Variants in LTA4H observed in about 807,000 individuals in gnomAD.
LTA4H encodes the protein leukotriene A4 hydrolase, also known as leukotriene A-4 hydrolase.
A neutral mutation model predicts 89.8 loss-of-function variants in LTA4H; 59 were observed. That is an observed-to-expected ratio of 0.66 (90% CI 0.53 to 0.82). LTA4H has a LOEUF of 0.82. Among genes scored for constraint, LTA4H ranks in the 40% least tolerant of loss-of-function variants. The pLI, the probability that LTA4H is intolerant of heterozygous loss-of-function variation, is 0.00. For missense variants in LTA4H, 617 were observed against 727.0 expected, an observed-to-expected ratio of 0.85 and a Z score of 1.74; for synonymous variants, 227 against 253.1, an observed-to-expected ratio of 0.90 and a Z score of 0.98.
chr12:96,036,065 G>C (rs566392426), upstream of LTA4H, among the ~76,000 whole-genome samples: 1 of 152,288 alleles, frequency 6.6e-6, no homozygotes, highest in Admixed American at 6.5e-5. Context: ...TCACGCGGGA[G>C]ACCGGGGTTC....
At chr12:96,023,110 C>T (rs946478815) in intron 4 of LTA4H, among the ~76,000 whole-genome samples, 1 of 152,108 alleles carries the variant, frequency 6.6e-6, no homozygotes, top group Admixed American at 6.5e-5. Context: ...AAAGGACTCC[C>T]CCAAGTATTA....
intron 1 of LTA4H, among the ~76,000 whole-genome samples, chr12:96,034,711 G>A (rs779937186): frequency 7.9e-5 from 12 of 152,246 alleles, no homozygotes; most frequent in Admixed American, 1.3e-4. Context: ...GCCGGGGCTG[G>A]AAATCCTAAG....
chr12:96,017,735 A>C (rs1950398331), intron 8 of LTA4H, among the ~76,000 whole-genome samples, 155 bp from the exon 9 acceptor site: 1 of 152,224 alleles, frequency 6.6e-6, no homozygotes, highest in Non-Finnish European at 1.5e-5. Context: ...TAATTGAAAA[A>C]ACAAAAAAAA....
At chr12:96,017,019 A>T (rs768425127) in intron 10 of LTA4H, 25 bp downstream of exon 10, 4 of 1,536,076 alleles carry the variant, frequency 2.6e-6, no homozygotes, top group Admixed American at 1.7e-5. Flanking sequence ...ATGAACCAAT[A>T]AAGAAATAAT....
Position 96,017,006 on chromosome 12 carries a change from A to C in LTA4H, c.947+38T>G, listed in dbSNP as rs1260678246. 4.3e-6 allele frequency: 6 copies of C among 1,409,286 alleles called. No individual in the cohort carries two copies. The African/African-American group carries it at 7.1e-5, about 17-fold the overall frequency. The allele number at this position is 1,409,286 out of a possible 1,614,324, so 87.3% of individuals were successfully genotyped here. A position where few individuals can be genotyped will look rare whatever the true frequency, so the allele number is the denominator to read the frequency against. ...AGGAGGCAGGGAAAAAAAAATCAGC[A>C]ACATGAACCAATAAAGAAATAATAA... On this transcript the variant is annotated intron_variant, in intron 10 of 18. Transcript: ENST00000228740.
intron 18 of LTA4H, among the ~76,000 whole-genome samples, chr12:96,002,209 A>G (rs1950116429): frequency 6.6e-6 from 1 of 152,230 alleles, no homozygotes; most frequent in Non-Finnish European, 1.5e-5. Context: ...CTCAATTCAA[A>G]GCTAGATGGG....
chr12:96,042,303 C>T (rs1332469848), intron 1 of LTA4H, among the ~76,000 whole-genome samples: 3 of 152,064 alleles, frequency 2.0e-5, no homozygotes, highest in Non-Finnish European at 2.9e-5. Flanking sequence ...CTAACGCAGG[C>T]CTCCATAACA....
intron 1 of LTA4H, among the ~76,000 whole-genome samples, chr12:96,035,125 G>A (rs1028694473): frequency 2.0e-5 from 3 of 152,232 alleles, no homozygotes; most frequent in African/African-American, 7.2e-5. Flanking sequence ...CGTATAAGTG[G>A]GGGCTGAGGG....
chr12:96,017,238 C>T, intron 9 of LTA4H, 124 bp from the exon 10 acceptor site: 1 of 716,326 alleles, frequency 1.4e-6, no homozygotes, highest in Non-Finnish European at 2.4e-6. Flanking sequence ...CAGGGAGTTA[C>T]TCAGTTCAGC....
At chr12:96,039,441 C>T (rs922586807), upstream of LTA4H, among the ~76,000 whole-genome samples, 1 of 152,120 alleles carries the variant, frequency 6.6e-6, no homozygotes, top group Non-Finnish European at 1.5e-5. Flanking sequence ...ACCTGTGGCC[C>T]GTGCAGTTGT....
At chr12:96,014,778 C>T in intron 12 of LTA4H, 77 bp downstream of exon 12, 3 of 1,353,808 alleles carry the variant, frequency 2.2e-6, no homozygotes, top group Middle Eastern at 1.9e-4. Flanking sequence ...TGGAACAAAA[C>T]AATAGTTTAC....
rs1950088890 is a variant in LTA4H, at chr12:96,000,903, GT to G, written c.*85del. On this transcript the variant is annotated 3_prime_UTR_variant, in exon 19 of 19. Coordinates refer to ENST00000228740, the MANE Select transcript of LTA4H (RefSeq NM_000895.3). ...ATAAAAAGCCAAAACTAAAAAGACA[GT>G]TTTAATTGTGAGCTGAAGTTTTATA... 3.0e-6 allele frequency: 3 copies of G among 997,762 alleles called. No individual in the cohort carries two copies. In the East Asian group the frequency reaches 7.2e-5, roughly 24 times the overall value. The allele number at this position is 997,762 out of a possible 1,614,324, so 61.8% of individuals were successfully genotyped here.
At chr12:96,020,805 A>G (rs1950443801) in intron 6 of LTA4H, 1 of 300,502 alleles carries the variant, frequency 3.3e-6, no homozygotes, top group East Asian at 7.8e-5. Flanking sequence ...ATAAGGAAAC[A>G]GAGATTGAGA....
Position 96,003,909 on chromosome 12 carries a change from T to A in LTA4H, c.1542A>T (p.Pro514=), listed in dbSNP as rs1950150641. Residue 514 remains proline, a synonymous_variant, in exon 17 of 19, where the codon CCA becomes CCT. Transcript: ENST00000228740. ...LAQTLQRAPL[P]LGHIKRMQEV... ...CTTGCATTCGCTTTATGTGCCCCAATGGAAGAGGTGCCTAAGAGCAAAATA... is the reference window on the plus strand; with the variant it reads ...CTTGCATTCGCTTTATGTGCCCCAAAGGAAGAGGTGCCTAAGAGCAAAATA... 1 of 1,605,154 alleles carries A rather than the reference T, an allele frequency of 6.2e-7. No individual in the cohort carries two copies. The highest frequency in any genetic ancestry group is 1.3e-5 in the African/African-American group (1 of 74,536).
chr12:96,022,922 G>A lies in LTA4H; in HGVS notation c.481-671C>T, dbSNP rs1260820183. Among the ~76,000 whole-genome samples, 1 of 152,168 alleles carries A rather than the reference G, an allele frequency of 6.6e-6. No individual in the cohort carries two copies. Among genetic ancestry groups the A allele is most frequent in the Non-Finnish European group, 1.5e-5 (1 of 68,030 alleles). On this transcript the variant is annotated intron_variant, in intron 4 of 18. Transcript: ENST00000228740. The surrounding 1 kb of genome is among the most constrained non-coding windows in gnomAD (Gnocchi z 4.0). ...AAACACACACTTGGAGTTACAAATAGAGGAACATTTTAAAAGTAGTAACTG... is the reference window on the plus strand; with the variant it reads ...AAACACACACTTGGAGTTACAAATAAAGGAACATTTTAAAAGTAGTAACTG...
intron 1 of LTA4H, among the ~76,000 whole-genome samples, chr12:96,031,873 AG>A: frequency 6.6e-6 from 1 of 152,358 alleles, no homozygotes. Context: ...TTTTAAAAAA[AG>A]CTTTATGCCT....
At chr12:96,003,593 AT>A (rs879893467) in intron 17 of LTA4H, 10,241 of 245,454 alleles carry the variant, frequency 0.042, 3 homozygotes, top group East Asian at 0.067. Context: ...CTTCATTCTA[AT>A]TTTTTTTTTT....
chr12:96,040,405 G>C (rs2136929692), upstream of LTA4H, among the ~76,000 whole-genome samples: 1 of 152,232 alleles, frequency 6.6e-6, no homozygotes, highest in Middle Eastern at 3.4e-3. Context: ...TGTTTAGCTG[G>C]ACACATGGCC....
chr12:96,042,417 C>G (rs1950694677), intron 1 of LTA4H, among the ~76,000 whole-genome samples: 1 of 152,012 alleles, frequency 6.6e-6, no homozygotes, highest in Non-Finnish European at 1.5e-5. Context: ...TTGCCTAGGC[C>G]TTTCCTGAAC....
Sources: allele counts gnomAD v4.1 joint callset (sites outside exome capture counted in the v4.1 genomes callset), GRCh38; gene constraint gnomAD v4.1.1; non-coding constraint Gnocchi (gnomAD v3.1); transcripts MANE v1.5; gene names NCBI Gene and HGNC (gene_info 2026-07-23, HGNC 2026-07-21).